Variants in CDK14 observed in about 807,000 individuals in gnomAD.
CDK14 encodes cyclin dependent kinase 14.
Under a neutral mutation model 60.7 loss-of-function variants are expected in CDK14, and 34 were observed. The ratio of observed to expected loss-of-function variants is 0.56; its 90% CI spans 0.43 to 0.75. CDK14 has a LOEUF of 0.75. Ranked by LOEUF, CDK14 falls within the 30% of genes least tolerant of loss-of-function variation. The pLI is 0.00. For missense variants in CDK14, 482 were observed against 564.1 expected (o/e 0.85, Z 1.47); for synonymous variants, 197 against 203.7 (o/e 0.97, Z 0.28).
intron 2 of CDK14, among the ~76,000 whole-genome samples, chr7:90,646,839 A>T (rs1800479150): frequency 6.6e-6 from 1 of 152,180 alleles, no homozygotes; most frequent in Non-Finnish European, 1.5e-5. Flanking sequence ...ATTGGGTTTT[A>T]TTCTTACAAA....
At chr7:90,993,134 T>C (rs1473908363) in intron 10 of CDK14, among the ~76,000 whole-genome samples, 1 of 152,168 alleles carries the variant, frequency 6.6e-6, no homozygotes, top group African/African-American at 2.4e-5. Flanking sequence ...GAAGGAACTA[T>C]GTATCAGCTG....
intron 2 of CDK14, among the ~76,000 whole-genome samples, chr7:90,622,293 A>G (rs11563416): frequency 0.15 from 22,530 of 152,274 alleles, 1,779 homozygotes; most frequent in Middle Eastern, 0.25. Flanking sequence ...TTTGGAAACT[A>G]CAATTTGGAA....
At chr7:90,776,733 T>C (rs1198455663) in intron 4 of CDK14, among the ~76,000 whole-genome samples, 2 of 152,224 alleles carry the variant, frequency 1.3e-5, no homozygotes, top group Non-Finnish European at 1.5e-5. Context: ...GGAGTTCTGA[T>C]TGAAGACTTG....
At chr7:91,109,076 T>G (rs1799400145) in intron 12 of CDK14, among the ~76,000 whole-genome samples, 1 of 152,186 alleles carries the variant, frequency 6.6e-6, no homozygotes, top group African/African-American at 2.4e-5. Context: ...TTTTCCCATA[T>G]CTATTGGAAG....
intron 2 of CDK14, among the ~76,000 whole-genome samples, chr7:90,664,109 C>T (rs967291640): frequency 6.6e-6 from 1 of 151,944 alleles, no homozygotes; most frequent in African/African-American, 2.4e-5. Flanking sequence ...AAAAACAACC[C>T]CATCAAAAAG....
intron 5 of CDK14, among the ~76,000 whole-genome samples, chr7:90,794,093 A>G (rs962346018): frequency 3.9e-5 from 6 of 152,138 alleles, no homozygotes; most frequent in Admixed American, 1.3e-4. Context: ...ACATGTTGGC[A>G]GGTTCCATGA....
intron 14 of CDK14, among the ~76,000 whole-genome samples, chr7:91,199,571 A>G (rs1183513466): frequency 6.6e-6 from 1 of 152,206 alleles, no homozygotes; most frequent in African/African-American, 2.4e-5. Flanking sequence ...ACATCATATA[A>G]TGCCTGGTCT....
At chr7:90,902,319 C>G (rs752955331) in intron 7 of CDK14, among the ~76,000 whole-genome samples, 3 of 152,048 alleles carry the variant, frequency 2.0e-5, no homozygotes, top group Non-Finnish European at 4.4e-5. Context: ...AAGCTGGATA[C>G]TTCATACTAC....
intron 2 of CDK14, among the ~76,000 whole-genome samples, chr7:90,649,280 C>CTTTCT (rs1800541702): frequency 1.8e-5 from 1 of 56,298 alleles, no homozygotes; most frequent in African/African-American, 8.7e-5. Context: ...TTCTTTCTTT[C>CTTTCT]TTTCTTTCTT....
At chr7:90,791,603 T>C (rs1282862342) in intron 5 of CDK14, among the ~76,000 whole-genome samples, 1 of 152,228 alleles carries the variant, frequency 6.6e-6, no homozygotes, top group Non-Finnish European at 1.5e-5. Context: ...TTTACATGTA[T>C]CATTTTTGAA....
At chr7:90,896,812 C>T (rs774904278) in intron 6 of CDK14, among the ~76,000 whole-genome samples, 1 of 152,106 alleles carries the variant, frequency 6.6e-6, no homozygotes, top group Non-Finnish European at 1.5e-5. Context: ...ATATAATATA[C>T]TCTGATGTTA....
intron 12 of CDK14, among the ~76,000 whole-genome samples, chr7:91,090,807 T>C (rs926987089): frequency 1.4e-4 from 22 of 152,034 alleles, no homozygotes; most frequent in African/African-American, 5.3e-4. Context: ...CAGAATGGAG[T>C]TTCAAAGCAT....
intron 3 of CDK14, among the ~76,000 whole-genome samples, chr7:90,746,938 G>C (rs1318783084): frequency 3.3e-5 from 5 of 152,122 alleles, no homozygotes; most frequent in African/African-American, 1.2e-4. Flanking sequence ...TATCAGAAGA[G>C]TACCTTTATA....
intron 13 of CDK14, among the ~76,000 whole-genome samples, chr7:91,114,490 A>T (rs1413593923): frequency 6.6e-6 from 1 of 152,162 alleles, no homozygotes; most frequent in Non-Finnish European, 1.5e-5. Context: ...TTTAATTTGT[A>T]ATTTTACAGA....
intron 4 of CDK14, among the ~76,000 whole-genome samples, chr7:90,754,206 G>A (rs1202412199): frequency 2.0e-5 from 3 of 151,942 alleles, no homozygotes; most frequent in Admixed American, 6.6e-5. Context: ...AGACAGAGGC[G>A]TCACACTACC....
At chr7:90,885,987 CA>C (rs1353880513) in intron 6 of CDK14, among the ~76,000 whole-genome samples, 2 of 152,020 alleles carry the variant, frequency 1.3e-5, no homozygotes, top group Admixed American at 6.6e-5. Context: ...TATACCTATG[CA>C]ACAAACCTGC....
At chr7:90,930,326 G>C (rs1793549838) in intron 8 of CDK14, among the ~76,000 whole-genome samples, 1 of 152,098 alleles carries the variant, frequency 6.6e-6, no homozygotes, top group African/African-American at 2.4e-5. Context: ...CAAGTGCTTT[G>C]TCACATGTAT....
Position 90,984,223 on chromosome 7 carries a change from A to T in CDK14, c.1023A>T (p.Gln341His). The T allele has an allele frequency of 1.9e-6, 3 of 1,610,930 alleles. No homozygotes were observed. The highest frequency in any genetic ancestry group is 2.5e-6 in the Non-Finnish European group (3 of 1,177,074). ...CAGGAATGAAAGACATTCAGGATCA[A>T]CTTGAACGAATATTTCTGGTAAGTC... Reference protein sequence around the residue: ...AFPGMKDIQDQLERIFLVLGT... With the variant: ...AFPGMKDIQDHLERIFLVLGT... Residue 341 changes from glutamine (Q) to histidine (H), a missense_variant, in exon 10 of 15, where the codon CAA (glutamine) becomes CAT (histidine). Coordinates refer to ENST00000380050, the MANE Select transcript of CDK14 (RefSeq NM_001287135.2).
At chr7:90,843,371 A>G (rs141164200) in intron 5 of CDK14, among the ~76,000 whole-genome samples, 1,840 of 152,278 alleles carry the variant, frequency 0.012, 49 homozygotes, top group African/African-American at 0.042. Flanking sequence ...GCTTTATTAG[A>G]AAATTAATGA....
Sources: allele counts gnomAD v4.1 joint callset (sites outside exome capture counted in the v4.1 genomes callset), GRCh38; gene constraint gnomAD v4.1.1; transcripts MANE v1.5; gene names NCBI Gene and HGNC (gene_info 2026-07-23, HGNC 2026-07-21).